Variants in ARHGAP44 observed in about 807,000 individuals in gnomAD.
ARHGAP44 encodes the protein rho GTPase-activating protein 44.
Under a neutral mutation model 106.8 loss-of-function variants are expected in ARHGAP44, and 43 were observed. That is an observed-to-expected ratio of 0.40 (90% CI 0.32 to 0.52). ARHGAP44 has a LOEUF of 0.52. ARHGAP44 is among the 20% of genes least tolerant of loss of function. The pLI, the probability that ARHGAP44 is intolerant of heterozygous loss-of-function variation, is 0.48. For synonymous variants in ARHGAP44, 439 were observed against 410.3 expected, an observed-to-expected ratio of 1.07 and a Z score of -0.85; for missense variants, 866 against 1,050.5, an observed-to-expected ratio of 0.82 and a Z score of 2.43.
intron 12 of ARHGAP44, among the ~76,000 whole-genome samples, chr17:12,950,416 C>T (rs571078073): frequency 6.6e-6 from 1 of 152,314 alleles, no homozygotes; most frequent in East Asian, 1.9e-4. Flanking sequence ...CAAAGCCAGG[C>T]GCAGGGCTGT....
intron 16 of ARHGAP44, among the ~76,000 whole-genome samples, chr17:12,961,071 G>A (rs2039249605): frequency 2.0e-5 from 3 of 152,116 alleles, no homozygotes. Flanking sequence ...TCCTTCCCAG[G>A]TGTTTCTACC....
chr17:12,923,911 T>C (rs2038160693), intron 6 of ARHGAP44, among the ~76,000 whole-genome samples: 2 of 152,210 alleles, frequency 1.3e-5, no homozygotes, highest in South Asian at 4.1e-4. Context: ...CCAGCTCCTC[T>C]TCTGGAACAG....
At chr17:12,857,219 TGATGAG>T (rs2035936749) in intron 1 of ARHGAP44, among the ~76,000 whole-genome samples, 1 of 152,186 alleles carries the variant, frequency 6.6e-6, no homozygotes, top group Admixed American at 6.5e-5. Context: ...CCGAAGTGGC[TGATGAG>T]GTCTGCGTTA....
chr17:12,869,793 C>CT (rs75326547), intron 1 of ARHGAP44, among the ~76,000 whole-genome samples: 11,207 of 149,198 alleles, frequency 0.075, 1,005 homozygotes, highest in African/African-American at 0.21. Flanking sequence ...ATATATGTAA[C>CT]TTTTTTTTTT....
intron 19 of ARHGAP44, among the ~76,000 whole-genome samples, chr17:12,980,507 A>G (rs1485622708): frequency 6.6e-6 from 1 of 152,116 alleles, no homozygotes; most frequent in Non-Finnish European, 1.5e-5. Context: ...CATTGTCCAC[A>G]ATGATGTGTG....
At chr17:12,876,626 A>G (rs1171977858) in intron 1 of ARHGAP44, among the ~76,000 whole-genome samples, 1 of 151,946 alleles carries the variant, frequency 6.6e-6, no homozygotes, top group Non-Finnish European at 1.5e-5. Context: ...TTAGAAGGAT[A>G]TTGTGGGCTG....
intron 19 of ARHGAP44, 90 bp from the exon 20 acceptor site, chr17:12,984,441 T>C: frequency 4.9e-6 from 7 of 1,421,866 alleles, no homozygotes; most frequent in Non-Finnish European, 5.6e-6. Flanking sequence ...GGGGACAGCT[T>C]TGAACGCTGA....
chr17:12,897,393 C>T lies in ARHGAP44; in HGVS notation c.198+882C>T, dbSNP rs375128384. ...CACAATACTTCTTCCCAGCTCCTGC[C>T]GCAGTGCAAAAACCCACTCTACTTG... On this transcript the variant is annotated intron_variant, in intron 3 of 20. Transcript: ENST00000379672. Among the ~76,000 whole-genome samples the T allele has an allele frequency of 5.3e-5, 8 of 151,694 alleles. No homozygotes were observed. In the East Asian group the frequency reaches 5.8e-4, roughly 11 times the overall value.
At chr17:12,943,464 G>C in intron 8 of ARHGAP44, 124 bp from the exon 9 acceptor site, 1 of 765,028 alleles carries the variant, frequency 1.3e-6, no homozygotes. Flanking sequence ...GTAGATTGGA[G>C]GAGGGAATGG....
intron 1 of ARHGAP44, among the ~76,000 whole-genome samples, chr17:12,828,940 G>C (rs2035008083): frequency 6.6e-6 from 1 of 152,058 alleles, no homozygotes; most frequent in East Asian, 1.9e-4. Context: ...ATGAGCCACT[G>C]AGCCTGGCCT....
chr17:12,890,418 C>T (rs1238424162), intron 1 of ARHGAP44, among the ~76,000 whole-genome samples: 4 of 152,198 alleles, frequency 2.6e-5, no homozygotes, highest in African/African-American at 9.6e-5. Flanking sequence ...CTCTGGAGAG[C>T]AGCAGCCCAG....
At chr17:12,928,620 A>C (rs1462032322) in intron 6 of ARHGAP44, among the ~76,000 whole-genome samples, 1 of 152,238 alleles carries the variant, frequency 6.6e-6, no homozygotes, top group Non-Finnish European at 1.5e-5. Context: ...TTTTTTAAAA[A>C]GACAGCAGTA....
chr17:12,974,054 G>A (rs530031813), intron 17 of ARHGAP44, 35 bp from the exon 18 acceptor site: 2 of 1,543,120 alleles, frequency 1.3e-6, no homozygotes, highest in Admixed American at 2.0e-5. Flanking sequence ...CATCTGTTAC[G>A]CGTGGGTAAG....
chr17:12,828,730 C>T (rs967062435), intron 1 of ARHGAP44, among the ~76,000 whole-genome samples: 1 of 149,876 alleles, frequency 6.7e-6, no homozygotes, highest in Non-Finnish European at 1.5e-5. Flanking sequence ...CAAGCTCCAC[C>T]TCCCGGGTTC....
intron 16 of ARHGAP44, among the ~76,000 whole-genome samples, chr17:12,965,203 A>C (rs1183665500): frequency 1.3e-5 from 2 of 152,074 alleles, no homozygotes; most frequent in Non-Finnish European, 2.9e-5. Context: ...AGATCCAGCT[A>C]CCTCAGGCCG....
intron 20 of ARHGAP44, chr17:12,986,712 G>C (rs1457677377): frequency 8.1e-6 from 1 of 122,920 alleles, no homozygotes; most frequent in Non-Finnish European, 1.7e-5. Context: ...AGAATGAGCA[G>C]AAGATATCAA....
At chr17:12,989,945 C>G in intron 20 of ARHGAP44, 87 bp from the exon 21 acceptor site, 1 of 1,549,164 alleles carries the variant, frequency 6.5e-7, no homozygotes, top group South Asian at 1.2e-5. Context: ...ACCCCTGCCT[C>G]CTAAGGCTGA....
At chr17:12,982,011 CA>C (rs147787642) in intron 19 of ARHGAP44, among the ~76,000 whole-genome samples, 166 of 150,192 alleles carry the variant, frequency 1.1e-3, no homozygotes, top group African/African-American at 3.6e-3. Context: ...ACTCTGTCTC[CA>C]AAAAAAAAGA....
intron 12 of ARHGAP44, among the ~76,000 whole-genome samples, chr17:12,951,732 C>T (rs1239574022): frequency 2.0e-5 from 3 of 152,130 alleles, no homozygotes; most frequent in African/African-American, 7.2e-5. Context: ...AAGATCACTT[C>T]ATCTAAACCA....
Sources: allele counts gnomAD v4.1 joint callset (sites outside exome capture counted in the v4.1 genomes callset), GRCh38; gene constraint gnomAD v4.1.1; transcripts MANE v1.5; gene names NCBI Gene and HGNC (gene_info 2026-07-23, HGNC 2026-07-21).